RANBP17: variants seen among roughly 807,000 people sequenced by gnomAD.
The protein encoded by RANBP17 is ran-binding protein 17.
In RANBP17, 158 loss-of-function variants were observed where a neutral mutation model predicts 141.2. The observed-to-expected ratio is 1.12, with a 90% CI of 0.98 to 1.28. The LOEUF is 1.28. Among genes scored for constraint, RANBP17 ranks in the 50% most tolerant of loss-of-function variants. RANBP17 has a pLI of 0.00. For synonymous variants in RANBP17, 430 were observed against 450.0 expected, an observed-to-expected ratio of 0.96 and a Z score of 0.56; for missense variants, 1,438 against 1,290.7, an observed-to-expected ratio of 1.11 and a Z score of -1.75.
intron 14 of RANBP17, among the ~76,000 whole-genome samples, chr5:171,130,669 C>T (rs1363132143): frequency 6.6e-6 from 1 of 151,958 alleles, no homozygotes; most frequent in Non-Finnish European, 1.5e-5. Flanking sequence ...ATCCCGACCT[C>T]AGGTGATCGG....
In RANBP17 at chr5:171,180,076, A is replaced by G. The variant is rs1278514047; in HGVS notation, c.1866-3091A>G. 4.6e-5 allele frequency among the ~76,000 whole-genome samples: 7 copies of G among 152,252 alleles called. No homozygotes were observed. In the East Asian group the frequency reaches 1.4e-3, roughly 29 times the overall value. ...CATAACCACATGGCTAGAGACAGGG[A>G]TTTTCTGAGAATTTAGTTTAATGGG... On this transcript the variant is annotated intron_variant, in intron 16 of 27. Coordinates refer to ENST00000523189, the MANE Select transcript of RANBP17 (RefSeq NM_022897.5).
intron 20 of RANBP17, among the ~76,000 whole-genome samples, chr5:171,209,657 G>A (rs1030012745): frequency 6.6e-6 from 1 of 152,154 alleles, no homozygotes; most frequent in African/African-American, 2.4e-5. Flanking sequence ...AGCATGTATG[G>A]GAAAAAGAGC....
chr5:171,230,933 G>T (rs1239671341), intron 22 of RANBP17, among the ~76,000 whole-genome samples: 2 of 151,366 alleles, frequency 1.3e-5, no homozygotes, highest in Non-Finnish European at 2.9e-5. Flanking sequence ...GGCTTTTTTT[G>T]GTTTTGTTTT....
intron 14 of RANBP17, among the ~76,000 whole-genome samples, chr5:171,054,886 G>A (rs1285978166): frequency 2.0e-5 from 3 of 152,268 alleles, no homozygotes; most frequent in Non-Finnish European, 4.4e-5. Flanking sequence ...TGATATACAT[G>A]TCTAACTATT....
chr5:171,079,614 C>A (rs1785140425), intron 14 of RANBP17, among the ~76,000 whole-genome samples: 1 of 152,148 alleles, frequency 6.6e-6, no homozygotes, highest in African/African-American at 2.4e-5. Flanking sequence ...CAGAAGACAC[C>A]AACATCGAGG....
chr5:170,895,115 C>CA (rs1423483860), intron 4 of RANBP17, among the ~76,000 whole-genome samples: 3 of 152,158 alleles, frequency 2.0e-5, no homozygotes, highest in Non-Finnish European at 4.4e-5. Flanking sequence ...TTCAGACACT[C>CA]AGACTGTCTT....
At position 170,924,298 on chromosome 5, in the gene RANBP17, T is replaced by C. The variant is rs1772730342; in HGVS notation, c.1275-59T>C. The C allele has an allele frequency of 2.1e-5, 22 of 1,071,356 alleles. No individual in the cohort carries two copies. The South Asian group carries it at 4.5e-4, about 22-fold the overall frequency. 66.4% of individuals were successfully genotyped at this position (1,071,356 alleles called of 1,614,324 possible). On this transcript the variant is annotated intron_variant, in intron 11 of 27. Coordinates refer to ENST00000523189, the MANE Select transcript of RANBP17 (RefSeq NM_022897.5). ...TTTTATTTAACATGAAGTTTATTTG[T>C]GGTGAATAAAAGTGCTTCACATTCT...
At chr5:171,104,284 G>A (rs535182974) in intron 14 of RANBP17, among the ~76,000 whole-genome samples, 8 of 152,234 alleles carry the variant, frequency 5.3e-5, no homozygotes, top group South Asian at 4.1e-4. Context: ...TGATCCGCCC[G>A]CCTCAGCTTC....
intron 14 of RANBP17, among the ~76,000 whole-genome samples, chr5:171,155,996 A>G (rs1055875290): frequency 6.6e-6 from 1 of 152,190 alleles, no homozygotes; most frequent in African/African-American, 2.4e-5. Context: ...ATTGGAGTAT[A>G]GTTATTTCAG....
Position 170,924,021 on chromosome 5 carries a change from A to G in RANBP17, c.1275-336A>G, listed in dbSNP as rs531265916. 5.3e-5 allele frequency among the ~76,000 whole-genome samples: 8 copies of G among 150,356 alleles called. No homozygotes were observed. The South Asian group carries it at 1.7e-3, about 32-fold the overall frequency. On this transcript the variant is annotated intron_variant, in intron 11 of 27. Coordinates refer to ENST00000523189, the MANE Select transcript of RANBP17 (RefSeq NM_022897.5). ...CTTTTTTCTTTTTTTTTTTAGAGAC[A>G]GAGTCTCGCCCTGTCACCCCAGCTG...
chr5:171,117,596 C>T lies in RANBP17; in HGVS notation c.1711-52534C>T, dbSNP rs185356431. On this transcript the variant is annotated intron_variant, in intron 14 of 27. Coordinates refer to ENST00000523189, the MANE Select transcript of RANBP17 (RefSeq NM_022897.5). ...GCAGCCTCCGCCTCCCAGGTTCAAG[C>T]GATTCTCTTGCCTCAGCCTCCCGAG... Among the ~76,000 whole-genome samples the T allele has an allele frequency of 5.8e-4, 89 of 152,144 alleles. 1 individual carries two copies. Among genetic ancestry groups the T allele is most frequent in the Middle Eastern group, 6.8e-3 (2 of 294 alleles).
intron 14 of RANBP17, among the ~76,000 whole-genome samples, chr5:171,091,315 G>T (rs1215077874): frequency 6.6e-6 from 1 of 152,124 alleles, no homozygotes; most frequent in Admixed American, 6.5e-5. Flanking sequence ...TTTGCATGGG[G>T]CGTTTAGCCC....
intron 14 of RANBP17, among the ~76,000 whole-genome samples, chr5:170,975,552 C>T (rs1434891812): frequency 6.6e-6 from 1 of 152,106 alleles, no homozygotes; most frequent in Non-Finnish European, 1.5e-5. Context: ...GAAATGTATT[C>T]AGCCAAATAT....
intron 14 of RANBP17, among the ~76,000 whole-genome samples, chr5:170,998,383 A>G (rs1203782538): frequency 2.0e-5 from 3 of 152,184 alleles, no homozygotes; most frequent in Non-Finnish European, 4.4e-5. Context: ...AGCCATTTAT[A>G]AACTTTGGTT....
chr5:170,982,320 C>G (rs1352139236), intron 14 of RANBP17, among the ~76,000 whole-genome samples: 1 of 152,154 alleles, frequency 6.6e-6, no homozygotes, highest in Non-Finnish European at 1.5e-5. Context: ...GAACATAAAG[C>G]TCCTATTCTT....
At chr5:170,978,881 G>T (rs1004218235) in intron 14 of RANBP17, among the ~76,000 whole-genome samples, 3 of 152,084 alleles carry the variant, frequency 2.0e-5, no homozygotes, top group Non-Finnish European at 2.9e-5. Flanking sequence ...ATTCATGGAA[G>T]CCTGGTGTGT....
chr5:171,053,249 C>T (rs966786172), intron 14 of RANBP17, among the ~76,000 whole-genome samples: 2 of 151,874 alleles, frequency 1.3e-5, no homozygotes, highest in African/African-American at 4.8e-5. Flanking sequence ...TGTGCAGATT[C>T]GTTACATGGG....
At chr5:171,133,912 A>G (rs1051745690) in intron 14 of RANBP17, among the ~76,000 whole-genome samples, 2 of 152,224 alleles carry the variant, frequency 1.3e-5, no homozygotes, top group African/African-American at 4.8e-5. Context: ...TTAAGTATCT[A>G]TACATGTACT....
intron 14 of RANBP17, among the ~76,000 whole-genome samples, chr5:171,058,630 A>C (rs1447922284): frequency 2.0e-5 from 3 of 150,788 alleles, no homozygotes; most frequent in East Asian, 3.9e-4. Context: ...ATATGTGTGC[A>C]TGTGTCTTTA....
Sources: allele counts gnomAD v4.1 joint callset (sites outside exome capture counted in the v4.1 genomes callset), GRCh38; gene constraint gnomAD v4.1.1; transcripts MANE v1.5; gene names NCBI Gene and HGNC (gene_info 2026-07-23, HGNC 2026-07-21).